UBR3: variants seen among roughly 807,000 people sequenced by gnomAD.
UBR3 encodes ubiquitin protein ligase E3 component n-recognin 3.
Under a neutral mutation model 243.2 loss-of-function variants are expected in UBR3, and 85 were observed. The ratio of observed to expected loss-of-function variants is 0.35; its 90% confidence interval spans 0.29 to 0.42. The LOEUF (loss-of-function observed/expected upper bound fraction) is 0.42, where lower values mean the gene tolerates loss of function less well. Among genes scored for constraint, UBR3 ranks in the 10% least tolerant of loss-of-function variants. The probability of loss-of-function intolerance (pLI) is 1.00; values close to 1 mark genes in which losing one functional copy is unlikely to be tolerated. For missense variants in UBR3, 1,686 were observed against 2,300.8 expected (o/e 0.73, Z 5.47); for synonymous variants, 748 against 799.8 (o/e 0.94, Z 1.09).
intron 24 of UBR3, among the ~76,000 whole-genome samples, chr2:169,971,440 A>G (rs1206748614): frequency 6.7e-6 from 1 of 149,864 alleles, no homozygotes; most frequent in Admixed American, 6.7e-5. Context: ...GTTTTCTTCT[A>G]GGGTTTTTAT....
intron 28 of UBR3, among the ~76,000 whole-genome samples, chr2:170,007,658 G>A (rs2089961984): frequency 6.6e-6 from 1 of 152,098 alleles, no homozygotes; most frequent in Non-Finnish European, 1.5e-5. Flanking sequence ...AAGGTCAGGA[G>A]TTTGAAACCA....
intron 25 of UBR3, among the ~76,000 whole-genome samples, chr2:169,993,733 CACCCTTTT>C (rs1404160798): frequency 6.6e-6 from 1 of 152,178 alleles, no homozygotes; most frequent in Admixed American, 6.5e-5. Flanking sequence ...AGACTCTACT[CACCCTTTT>C]ACCCTTTTAT....
intron 36 of UBR3, among the ~76,000 whole-genome samples, chr2:170,079,556 A>AATTACTTTAAAAAC (rs1221003705): frequency 6.6e-6 from 1 of 152,192 alleles, no homozygotes; most frequent in Admixed American, 6.5e-5. Flanking sequence ...AAGTAATAAC[A>AATTACTTTAAAAAC]AGTTTAAATG....
intron 31 of UBR3, among the ~76,000 whole-genome samples, chr2:170,039,176 A>G (rs560140875): frequency 4.6e-5 from 7 of 152,338 alleles, no homozygotes; most frequent in Non-Finnish European, 1.0e-4. Flanking sequence ...TGGAGTAATC[A>G]GAGAGATAGA....
intron 1 of UBR3, among the ~76,000 whole-genome samples, chr2:169,866,256 CAAA>C (rs143250064): frequency 1.5e-4 from 17 of 113,284 alleles, no homozygotes; most frequent in Non-Finnish European, 2.4e-4. Context: ...GACTGTGTCT[CAAA>C]AAAAAAAAAA....
chr2:169,987,045 A>G (rs564998336), intron 25 of UBR3, among the ~76,000 whole-genome samples: 7 of 152,242 alleles, frequency 4.6e-5, no homozygotes, highest in Admixed American at 1.3e-4. Context: ...GTGTGATGGT[A>G]TATTACCAAT....
At chr2:170,069,815 G>T (rs542265391) in intron 35 of UBR3, among the ~76,000 whole-genome samples, 1 of 151,676 alleles carries the variant, frequency 6.6e-6, no homozygotes, top group Non-Finnish European at 1.5e-5. Context: ...TAGGGGATTT[G>T]TTCCCCCCCC....
At chr2:169,836,764 A>G (rs2082125710) in intron 1 of UBR3, among the ~76,000 whole-genome samples, 1 of 151,866 alleles carries the variant, frequency 6.6e-6, no homozygotes, top group Admixed American at 6.6e-5. Flanking sequence ...ACATCTTTTC[A>G]TATGTTTTGG....
chr2:169,900,525 T>TG (rs1231892466), intron 8 of UBR3, among the ~76,000 whole-genome samples: 2 of 152,230 alleles, frequency 1.3e-5, no homozygotes, highest in African/African-American at 4.8e-5. Context: ...TTTTGGCTTT[T>TG]GTTGCCATTG....
At chr2:169,984,660 T>G (rs535637323) in intron 24 of UBR3, among the ~76,000 whole-genome samples, 2 of 152,310 alleles carry the variant, frequency 1.3e-5, no homozygotes, top group South Asian at 4.1e-4. Context: ...CAGAATTTGG[T>G]ACTGGAATGA....
intron 35 of UBR3, among the ~76,000 whole-genome samples, chr2:170,067,444 G>C (rs1183531132): frequency 6.6e-6 from 1 of 152,154 alleles, no homozygotes; most frequent in African/African-American, 2.4e-5. Context: ...TGCCTTCTTA[G>C]TAATCAATAA....
chr2:169,840,265 A>C (rs1032740844), intron 1 of UBR3, among the ~76,000 whole-genome samples: 1 of 152,002 alleles, frequency 6.6e-6, no homozygotes, highest in African/African-American at 2.4e-5. Context: ...TCTGGGCCTG[A>C]GCTGTCTTAT....
At chr2:169,936,153 G>A (rs538520666) in intron 19 of UBR3, among the ~76,000 whole-genome samples, 25 of 152,036 alleles carry the variant, frequency 1.6e-4, no homozygotes, top group African/African-American at 6.0e-4. Flanking sequence ...TCTGCCTCCC[G>A]GATTCAAGCG....
chr2:170,067,255 A>G (rs1215668277), intron 35 of UBR3, among the ~76,000 whole-genome samples: 5 of 152,152 alleles, frequency 3.3e-5, no homozygotes, highest in Middle Eastern at 3.2e-3. Flanking sequence ...GGCAGTTCCC[A>G]TCTTCCCAAG....
intron 24 of UBR3, among the ~76,000 whole-genome samples, chr2:169,985,228 T>C (rs1278770890): frequency 4.7e-5 from 7 of 149,706 alleles, no homozygotes; most frequent in African/African-American, 1.5e-4. Flanking sequence ...TCTTTTCTTT[T>C]TTTTTTTTTT....
chr2:169,949,492 A>T (rs2086921726), intron 22 of UBR3, 113 bp from the exon 23 acceptor site: 1 of 986,192 alleles, frequency 1.0e-6, no homozygotes, highest in African/African-American at 1.6e-5. Flanking sequence ...CTATTGAATA[A>T]ATCTTTGTAT....
chr2:169,900,013 G>C (rs1330904048), intron 8 of UBR3, among the ~76,000 whole-genome samples: 3 of 152,298 alleles, frequency 2.0e-5, no homozygotes, highest in African/African-American at 7.2e-5. Context: ...TATATACCCA[G>C]TAAAGGGATT....
intron 36 of UBR3, chr2:170,077,887 T>A: frequency 2.4e-6 from 1 of 425,040 alleles, no homozygotes; most frequent in Non-Finnish European, 4.4e-6. Context: ...CACCTGGCTC[T>A]GTTCAAATAA....
intron 13 of UBR3, 150 bp downstream of exon 13, chr2:169,924,323 T>C: frequency 6.2e-6 from 4 of 643,828 alleles, no homozygotes; most frequent in Non-Finnish European, 1.0e-5. Flanking sequence ...AGATTATGTT[T>C]AGGTATTTTT....
Sources: allele counts gnomAD v4.1 joint callset (sites outside exome capture counted in the v4.1 genomes callset), GRCh38; gene constraint gnomAD v4.1.1; transcripts MANE v1.5; gene names NCBI Gene and HGNC (gene_info 2026-07-23, HGNC 2026-07-21).